Variants in NYAP2 observed in about 807,000 individuals in gnomAD.
NYAP2 encodes neuronal tyrosine-phosphorylated phosphoinositide-3-kinase adaptor 2, also known as neuronal tyrosine-phosphorylated phosphoinositide-3-kinase adapter 2.
Under a neutral mutation model 50.4 loss-of-function variants are expected in NYAP2, and 23 were observed. The ratio of observed to expected loss-of-function variants is 0.46; its 90% CI spans 0.33 to 0.65. The LOEUF (loss-of-function observed/expected upper bound fraction) is 0.65. Ranked by LOEUF, NYAP2 falls within the 30% of genes least tolerant of loss-of-function variation. The pLI, the probability that NYAP2 is intolerant of heterozygous loss-of-function variation, is 0.02. For missense variants in NYAP2, 885 were observed against 861.0 expected (o/e 1.03, Z -0.35); for synonymous variants, 394 against 365.2 (o/e 1.08, Z -0.90).
At chr2:225,489,569 T>C (rs558835290) in intron 3 of NYAP2, among the ~76,000 whole-genome samples, 2 of 152,304 alleles carry the variant, frequency 1.3e-5, no homozygotes, top group South Asian at 4.1e-4. Flanking sequence ...CTGTTTTCCT[T>C]TCTTACTAAA....
At chr2:225,652,908 C>T (rs887083404) in exon 7 of NYAP2, 3 of 152,132 alleles carry the variant, frequency 2.0e-5, no homozygotes, top group Non-Finnish European at 4.4e-5. Flanking sequence ...TCTGCAAATA[C>T]AAGAAATGAG....
At chr2:225,590,156 G>A (rs768842425) in intron 5 of NYAP2, among the ~76,000 whole-genome samples, 3 of 152,158 alleles carry the variant, frequency 2.0e-5, no homozygotes, top group African/African-American at 7.2e-5. Context: ...ACCCCTTTTC[G>A]GGTCTCCTGT....
chr2:225,414,660 T>C (rs1472296029), intron 3 of NYAP2, among the ~76,000 whole-genome samples: 1 of 152,000 alleles, frequency 6.6e-6, no homozygotes, highest in East Asian at 1.9e-4. Context: ...AGGCGGTACC[T>C]GGGTGTATCT....
chr2:225,584,919 C>T (rs1692363370), intron 5 of NYAP2, among the ~76,000 whole-genome samples: 1 of 152,134 alleles, frequency 6.6e-6, no homozygotes, highest in Admixed American at 6.5e-5. Flanking sequence ...CAATTTGTCC[C>T]CTGGGATATT....
downstream of NYAP2, among the ~76,000 whole-genome samples, chr2:225,655,668 G>A (rs1196750739): frequency 6.6e-6 from 1 of 152,106 alleles, no homozygotes; most frequent in Admixed American, 6.5e-5. Context: ...TCCTTCTTCA[G>A]TGACCCCATT....
In NYAP2 at chr2:225,651,417, T is replaced by C. The variant is rs747425572; in HGVS notation, c.1829-15T>C. ...TCAGTCAGCTAATATTGTGTCTTTT[T>C]CCGCTTGTTTCCAGAGCCTAAAGTA... is the stretch of plus-strand genomic sequence containing the variant. On this transcript the variant is annotated splice_polypyrimidine_tract_variant and intron_variant, in intron 6 of 6. Transcript: ENST00000636099. The C allele has an allele frequency of 2.5e-6, 4 of 1,613,950 alleles. No homozygotes were observed. The highest frequency in any genetic ancestry group is 1.1e-5 in the South Asian group (1 of 91,076).
At chr2:225,545,197 A>G (rs1691551791) in intron 4 of NYAP2, among the ~76,000 whole-genome samples, 1 of 152,140 alleles carries the variant, frequency 6.6e-6, no homozygotes, top group Non-Finnish European at 1.5e-5. Context: ...TTGATGTTCT[A>G]TAACCCTGTA....
At chr2:225,668,437 G>T in the NYAP2 span, among the ~76,000 whole-genome samples, 1 of 152,156 alleles carries the variant, frequency 6.6e-6, no homozygotes, top group African/African-American at 2.4e-5. Context: ...GGCCATGGGG[G>T]CTGCCTCAGA....
At chr2:225,668,173 A>T in the NYAP2 span, among the ~76,000 whole-genome samples, 1 of 152,204 alleles carries the variant, frequency 6.6e-6, no homozygotes, top group South Asian at 2.1e-4. Flanking sequence ...TAGTCTTTCA[A>T]GATAAGTGAC....
At chr2:225,575,449 G>C (rs903110474) in intron 4 of NYAP2, among the ~76,000 whole-genome samples, 1 of 152,182 alleles carries the variant, frequency 6.6e-6, no homozygotes, top group Admixed American at 6.5e-5. Flanking sequence ...AGAACACTGT[G>C]GGGATGGCTT....
At chr2:225,429,676 A>C (rs893277980) in intron 3 of NYAP2, among the ~76,000 whole-genome samples, 6 of 152,182 alleles carry the variant, frequency 3.9e-5, no homozygotes, top group Non-Finnish European at 7.4e-5. Flanking sequence ...TTTGAGGAAA[A>C]ATGATAGATA....
At chr2:225,461,106 A>G (rs958350334) in intron 3 of NYAP2, among the ~76,000 whole-genome samples, 2 of 151,666 alleles carry the variant, frequency 1.3e-5, no homozygotes, top group Admixed American at 6.6e-5. Context: ...GTTCCTCCCC[A>G]TGCAAATAGT....
the NYAP2 span, among the ~76,000 whole-genome samples, chr2:225,672,773 G>A: frequency 3.8e-4 from 57 of 150,214 alleles, no homozygotes; most frequent in Non-Finnish European, 6.1e-4. Context: ...TTTCAACATT[G>A]TCATGTCTCA....
chr2:225,428,379 CTTCCTGTGTT>C (rs778351334), intron 3 of NYAP2, among the ~76,000 whole-genome samples: 31 of 152,194 alleles, frequency 2.0e-4, no homozygotes, highest in Non-Finnish European at 4.0e-4. Flanking sequence ...CTTCCTCCCA[CTTCCTGTGTT>C]TTCCTACTCA....
intron 3 of NYAP2, among the ~76,000 whole-genome samples, chr2:225,458,392 G>T (rs2106152161): frequency 6.6e-6 from 1 of 152,278 alleles, no homozygotes; most frequent in South Asian, 2.1e-4. Flanking sequence ...ATGCAAGTCA[G>T]AATCTATAGA....
chr2:225,409,524 A>C (rs920461292), intron 3 of NYAP2, among the ~76,000 whole-genome samples: 4 of 152,054 alleles, frequency 2.6e-5, no homozygotes, highest in African/African-American at 9.7e-5. Flanking sequence ...GCCAAGATAC[A>C]TCAATAATTA....
At chr2:225,523,268 G>A (rs1182072656) in intron 4 of NYAP2, among the ~76,000 whole-genome samples, 2 of 151,048 alleles carry the variant, frequency 1.3e-5, no homozygotes, top group African/African-American at 4.9e-5. Flanking sequence ...TTGGAAAAGA[G>A]GAAGTCAAAT....
rs1400293062 is a variant in NYAP2, at chr2:225,559,285, C to T, written c.524-22656C>T. 5.3e-5 allele frequency among the ~76,000 whole-genome samples: 8 copies of T among 151,614 alleles called. 1 individual carries two copies. The highest frequency in any genetic ancestry group is 2.4e-5 in the African/African-American group (1 of 41,278). The stretch of plus-strand genomic sequence containing the variant: ...TAGAGAAAAAGCTTGCCAACTCCAT[C>T]GCTCATTTATCATGGAGAGGATGCT... On this transcript the variant is annotated intron_variant, in intron 4 of 6. Transcript: ENST00000636099.
chr2:225,572,503 G>A (rs1692090874), intron 4 of NYAP2, among the ~76,000 whole-genome samples: 1 of 152,146 alleles, frequency 6.6e-6, no homozygotes, highest in Non-Finnish European at 1.5e-5. Context: ...ACCATCAGAT[G>A]TTGTGAGAAC....
Sources: gnomAD v4.1 joint callset for allele counts (sites outside exome capture counted in the v4.1 genomes callset) on GRCh38, gnomAD v4.1.1 for gene constraint, MANE v1.5 for transcripts, NCBI Gene and HGNC (gene_info 2026-07-23, HGNC 2026-07-21) for gene names.